Variants in SYCE2 observed in about 807,000 individuals in gnomAD.
SYCE2 encodes the protein central element synaptonemal complex 1.
In SYCE2, 3 loss-of-function variants were observed where a neutral mutation model predicts 27.9. The ratio of observed to expected loss-of-function variants is 0.11; its 90% CI spans 0.05 to 0.28. The LOEUF is 0.28. Ranked by LOEUF, SYCE2 falls within the 10% of genes least tolerant of loss-of-function variation. The pLI, the probability that SYCE2 is intolerant of heterozygous loss-of-function variation, is 1.00. For missense variants in SYCE2, 207 were observed against 263.5 expected (o/e 0.79, Z 1.48); for synonymous variants, 85 against 100.7 (o/e 0.84, Z 0.93).
In SYCE2 at chr19:12,900,065, C is replaced by G. The variant is rs758633712; in HGVS notation, c.551G>C (p.Arg184Pro). ...PDHSRGKSPP[R>P]PGNSQPPDVF... Reference sequence around the variant, plus strand: ...GTCTGGGGGCTGTGAGTTGCCGGGACGTGGTGGGGACTTTCCCCTAGAGTG... The same window carrying G: ...GTCTGGGGGCTGTGAGTTGCCGGGAGGTGGTGGGGACTTTCCCCTAGAGTG... The change falls in exon 5 of 6, where the codon CGT (arginine) becomes CCT (proline). Residue 184 changes from arginine (R) to proline (P), a missense_variant. Coordinates refer to ENST00000293695, the MANE Select transcript of SYCE2 (RefSeq NM_001105578.2). 6.2e-7 allele frequency: 1 copy of G among 1,613,538 alleles called. No homozygotes were observed. Among genetic ancestry groups the G allele is most frequent in the South Asian group, 1.1e-5 (1 of 91,008 alleles).
intron 2 of SYCE2, among the ~76,000 whole-genome samples, chr19:12,910,203 G>A (rs1240994039): frequency 6.6e-6 from 1 of 151,768 alleles, no homozygotes; most frequent in African/African-American, 2.4e-5. Context: ...ATCATTAGCA[G>A]CTCTATAACT....
chr19:12,898,867 A>G lies in SYCE2; in HGVS notation c.*474T>C, dbSNP rs938445706. 19 of 188,226 alleles carry G rather than the reference A, an allele frequency of 1.0e-4. No individual in the cohort carries two copies. Among genetic ancestry groups the G allele is most frequent in the South Asian group, 4.2e-4 (4 of 9,584 alleles). The allele number at this position is 188,226 out of a possible 1,614,324, so 11.7% of individuals were successfully genotyped here. Reference sequence around the variant, plus strand: ...CTACAATCTGCCTTCTGCTTCAAGGAGCTGGGGAGGAGCAAAGGATGAGAC... The same window carrying G: ...CTACAATCTGCCTTCTGCTTCAAGGGGCTGGGGAGGAGCAAAGGATGAGAC... On this transcript the variant is annotated 3_prime_UTR_variant, in exon 6 of 6. Coordinates refer to ENST00000293695, the MANE Select transcript of SYCE2 (RefSeq NM_001105578.2).
chr19:12,899,724 G>C, intron 5 of SYCE2: 1 of 1,612,348 alleles, frequency 6.2e-7, no homozygotes, highest in Non-Finnish European at 8.5e-7. Flanking sequence ...TCCTTAAAAA[G>C]AAGATGGAAT....
At chr19:12,909,107 A>C (rs1970997719) in intron 2 of SYCE2, among the ~76,000 whole-genome samples, 1 of 152,108 alleles carries the variant, frequency 6.6e-6, no homozygotes. Flanking sequence ...CACTGTTTAC[A>C]CCTTGGCCTC....
At chr19:12,909,635 C>T (rs537552936) in intron 2 of SYCE2, among the ~76,000 whole-genome samples, 2 of 152,096 alleles carry the variant, frequency 1.3e-5, no homozygotes, top group South Asian at 4.1e-4. Flanking sequence ...GGCGCGATCT[C>T]GGCTCACTGC....
intron 3 of SYCE2, among the ~76,000 whole-genome samples, chr19:12,902,515 G>T (rs1023185089): frequency 6.6e-5 from 10 of 152,128 alleles, no homozygotes; most frequent in Non-Finnish European, 1.5e-4. Context: ...CACACCTGTA[G>T]TCTCAGCTAC....
intron 2 of SYCE2, among the ~76,000 whole-genome samples, chr19:12,908,309 A>G (rs1247917000): frequency 5.6e-5 from 7 of 123,956 alleles, no homozygotes; most frequent in Non-Finnish European, 1.1e-4. Context: ...AGAGAGAGAG[A>G]GAGTCTCACC....
At chr19:12,910,302 AT>A (rs913538561) in intron 2 of SYCE2, among the ~76,000 whole-genome samples, 43 of 151,398 alleles carry the variant, frequency 2.8e-4, no homozygotes, top group Non-Finnish European at 4.1e-4. Context: ...ATGTTAAAAA[AT>A]TTTTTTTTCT....
intron 1 of SYCE2, 65 bp downstream of exon 1, chr19:12,919,178 C>A: frequency 3.1e-6 from 5 of 1,598,220 alleles, no homozygotes; most frequent in Non-Finnish European, 4.3e-6. Context: ...TGGCTGGGAT[C>A]GCAGCCGTTC....
chr19:12,915,601 CA>C (rs71168634), intron 2 of SYCE2, among the ~76,000 whole-genome samples: 6,095 of 81,158 alleles, frequency 0.075, 383 homozygotes, highest in African/African-American at 0.26. Context: ...GACTCCATCT[CA>C]AAAAAAAAAA....
At chr19:12,905,553 C>G (rs989168469) in intron 2 of SYCE2, among the ~76,000 whole-genome samples, 1 of 152,082 alleles carries the variant, frequency 6.6e-6, no homozygotes, top group South Asian at 2.1e-4. Context: ...GGATGGTCTC[C>G]ATCTCCTGAC....
chr19:12,904,569 G>C lies in SYCE2; in HGVS notation c.229C>G (p.Leu77Val). Reference protein sequence around the residue: ...IDILQKRAQELIENINKSRQK... With the variant: ...IDILQKRAQEVIENINKSRQK... ...CGGCTCTTGTTGATGTTTTCGATCA[G>C]CTCCTGGGCTCTCTTCTGCAGGATG... Residue 77 changes from leucine to valine, a missense_variant, in exon 3 of 6, where the codon CTG (leucine) becomes GTG (valine). Leu to Val is a conservative substitution (Grantham distance 32, BLOSUM62 1). Coordinates refer to ENST00000293695, the MANE Select transcript of SYCE2 (RefSeq NM_001105578.2). The C allele has an allele frequency of 6.2e-7, 1 of 1,614,112 alleles. No homozygotes were observed. The highest frequency in any genetic ancestry group is 8.5e-7 in the Non-Finnish European group (1 of 1,180,028).
intron 2 of SYCE2, among the ~76,000 whole-genome samples, chr19:12,909,123 G>A (rs940603552): frequency 3.3e-5 from 5 of 152,214 alleles, no homozygotes; most frequent in African/African-American, 1.2e-4. Context: ...GCCTCCCACT[G>A]TAGTCTGCTG....
rs558394349 is a variant in SYCE2, at chr19:12,908,139, T to TCAAACAAA, written c.132-3481_132-3474dup. 4.6e-5 allele frequency among the ~76,000 whole-genome samples: 7 copies of TCAAACAAA among 152,046 alleles called. No homozygotes were observed. In the South Asian group the frequency reaches 1.2e-3, roughly 27 times the overall value. On this transcript the variant is annotated intron_variant, in intron 2 of 5. Coordinates refer to ENST00000293695, the MANE Select transcript of SYCE2 (RefSeq NM_001105578.2). ...CTGGGCGACAGAGTGAGACCCTGTT[T>TCAAACAAA]CAAACAAACAAACAAAACAACCACA...
chr19:12,912,690 C>T (rs553208199), intron 2 of SYCE2, among the ~76,000 whole-genome samples: 1 of 152,038 alleles, frequency 6.6e-6, no homozygotes, highest in Non-Finnish European at 1.5e-5. Context: ...TCACAACCTG[C>T]TTGAGCTGCT....
intron 2 of SYCE2, among the ~76,000 whole-genome samples, chr19:12,915,922 G>T (rs1372938672): frequency 3.9e-5 from 6 of 152,148 alleles, no homozygotes; most frequent in Non-Finnish European, 8.8e-5. Flanking sequence ...TTCCAGGCTG[G>T]CTGCCCACAG....
intron 2 of SYCE2, among the ~76,000 whole-genome samples, chr19:12,912,106 T>G (rs1280909786): frequency 6.6e-6 from 1 of 151,126 alleles, no homozygotes; most frequent in Non-Finnish European, 1.5e-5. Flanking sequence ...CCCAGCTAAC[T>G]TTTGTATTTT....
intron 5 of SYCE2, chr19:12,899,705 C>CGG: frequency 6.2e-7 from 1 of 1,612,284 alleles, no homozygotes; most frequent in Admixed American, 1.7e-5. Context: ...TGAAGTCGTT[C>CGG]AGATGTGTTC....
At chr19:12,914,128 G>A (rs998769009) in intron 2 of SYCE2, 2 of 152,214 alleles carry the variant, frequency 1.3e-5, no homozygotes, top group African/African-American at 2.4e-5. Flanking sequence ...CCTGGCCACC[G>A]AAAGTGGCTC....
Sources: allele counts gnomAD v4.1 joint callset (sites outside exome capture counted in the v4.1 genomes callset), GRCh38; gene constraint gnomAD v4.1.1; transcripts MANE v1.5; gene names NCBI Gene and HGNC (gene_info 2026-07-23, HGNC 2026-07-21).